The following RAB27B variants were observed in gnomAD, a reference collection of about 807,000 sequenced individuals.
RAB27B encodes the protein ras-related protein Rab-27B.
A neutral mutation model predicts 24.6 loss-of-function variants in RAB27B; 15 were observed. The ratio of observed to expected loss-of-function variants is 0.61; its 90% confidence interval spans 0.41 to 0.94. The LOEUF (loss-of-function observed/expected upper bound fraction) is 0.94, where lower values mean the gene tolerates loss of function less well. Ranked by LOEUF, RAB27B falls within the 40% of genes least tolerant of loss-of-function variation. The pLI, the probability that RAB27B is intolerant of heterozygous loss-of-function variation, is 0.00. For synonymous variants in RAB27B, 105 were observed against 92.5 expected (o/e 1.14, Z -0.78); for missense variants, 261 against 266.8 (o/e 0.98, Z 0.15).
chr18:54,832,703 C>T (rs370614909), intron 1 of RAB27B, among the ~76,000 whole-genome samples: 6 of 151,962 alleles, frequency 3.9e-5, no homozygotes, highest in East Asian at 1.9e-4. Flanking sequence ...AAAGGCAAAC[C>T]GGAAGAGAGT....
intron 2 of RAB27B, among the ~76,000 whole-genome samples, chr18:54,770,822 T>C (rs1598891950): frequency 6.6e-6 from 1 of 152,354 alleles, no homozygotes; most frequent in East Asian, 1.9e-4. Context: ...TTTCTGTTTT[T>C]CAACATTTTC....
upstream of RAB27B, among the ~76,000 whole-genome samples, chr18:54,827,277 A>G (rs1910505223): frequency 1.3e-5 from 2 of 152,250 alleles, no homozygotes; most frequent in Admixed American, 1.3e-4. Flanking sequence ...TAGCCAACAC[A>G]TTCATAGAAC....
In RAB27B at chr18:54,806,362, G is replaced by C. The variant is rs138329887; in HGVS notation, c.-19-71205G>C. 5.2e-3 allele frequency among the ~76,000 whole-genome samples: 791 copies of C among 151,734 alleles called. 5 individuals are homozygous for C. The highest frequency in any genetic ancestry group is 7.4e-3 in the Non-Finnish European group (505 of 67,932). On this transcript the variant is annotated intron_variant, in intron 2 of 4. Coordinates refer to the RAB27B transcript ENST00000586570. ...GTGTTACTGTATGGGAAGCATAGGAGACTGGTTCGAGGAGCAGTCTCTCTT... is the reference window on the plus strand; with the variant it reads ...GTGTTACTGTATGGGAAGCATAGGACACTGGTTCGAGGAGCAGTCTCTCTT...
rs1475392377 is a variant in RAB27B, at chr18:54,891,807, A to G, written c.*2394A>G. ...CATGAAGCAGAGGTTGATGATGCCCATAATTGCAAGACTATTCCTGTAAAA... is the reference window on the plus strand; with the variant it reads ...CATGAAGCAGAGGTTGATGATGCCCGTAATTGCAAGACTATTCCTGTAAAA... On this transcript the variant is annotated 3_prime_UTR_variant, in exon 6 of 6. Coordinates refer to ENST00000262094, the MANE Select transcript of RAB27B (RefSeq NM_004163.4). 1.3e-5 allele frequency: 2 copies of G among 152,116 alleles called. No individual in the cohort carries two copies. The highest frequency in any genetic ancestry group is 2.9e-5 in the Non-Finnish European group (2 of 67,990). The allele number at this position is 152,116 out of a possible 1,614,324, so 9.4% of individuals were successfully genotyped here. A position where few individuals can be genotyped will look rare whatever the true frequency, so the allele number is the denominator to read the frequency against.
intron 1 of RAB27B, among the ~76,000 whole-genome samples, chr18:54,863,622 C>T (rs1422612405): frequency 2.0e-5 from 3 of 152,078 alleles, no homozygotes; most frequent in Non-Finnish European, 2.9e-5. Flanking sequence ...ATCCAGAACA[C>T]GTTCACCCTT....
chr18:54,804,904 C>CTCTCTCTCTTTCTT (rs1555658012), intron 2 of RAB27B, among the ~76,000 whole-genome samples: 64 of 48,024 alleles, frequency 1.3e-3, no homozygotes, highest in African/African-American at 2.8e-3. Context: ...CTTTCTCTCT[C>CTCTCTCTCTTTCTT]TCTTTCTTTC....
intron 1 of RAB27B, among the ~76,000 whole-genome samples, chr18:54,862,444 T>C (rs1912045122): frequency 1.3e-5 from 2 of 152,192 alleles, no homozygotes; most frequent in South Asian, 4.1e-4. Flanking sequence ...TATTAATAGA[T>C]AAATGGGCTC....
At chr18:54,781,738 C>T (rs763228774) in intron 2 of RAB27B, among the ~76,000 whole-genome samples, 1 of 152,166 alleles carries the variant, frequency 6.6e-6, no homozygotes, top group Non-Finnish European at 1.5e-5. Flanking sequence ...AGCTGACAAA[C>T]TTCTTTGCTG....
At chr18:54,852,030 C>G (rs1440982571) in intron 1 of RAB27B, among the ~76,000 whole-genome samples, 4 of 152,130 alleles carry the variant, frequency 2.6e-5, no homozygotes, top group African/African-American at 9.7e-5. Flanking sequence ...CAGATAAATA[C>G]AGGTTGACTA....
intron 2 of RAB27B, among the ~76,000 whole-genome samples, chr18:54,738,654 T>C (rs911887401): frequency 3.3e-5 from 5 of 152,182 alleles, no homozygotes; most frequent in African/African-American, 1.2e-4. Context: ...ACACCTATCA[T>C]ATCCCAGACA....
intron 2 of RAB27B, among the ~76,000 whole-genome samples, chr18:54,753,103 C>A (rs1907888912): frequency 6.6e-6 from 1 of 152,042 alleles, no homozygotes. Context: ...GCCTGTGTCA[C>A]CTTGGAAGAG....
At position 54,741,012 on chromosome 18, in the gene RAB27B, C is replaced by A. The variant is rs148925832; in HGVS notation, c.-20+22871C>A. 2.8e-3 allele frequency among the ~76,000 whole-genome samples: 426 copies of A among 152,200 alleles called. 2 individuals carry two copies. The highest frequency in any genetic ancestry group is 9.7e-3 in the African/African-American group (401 of 41,532). On this transcript the variant is annotated intron_variant, in intron 2 of 4. Coordinates refer to the RAB27B transcript ENST00000586570. ...TTTGGTCATGATGATAATCTAATAA[C>A]CTACTTTCATAAAAAGCATTTATTC... is the stretch of plus-strand genomic sequence containing the variant.
At chr18:54,805,725 C>A (rs1287385729) in intron 2 of RAB27B, among the ~76,000 whole-genome samples, 2 of 152,148 alleles carry the variant, frequency 1.3e-5, no homozygotes, top group Non-Finnish European at 2.9e-5. Context: ...TGAATGTCTT[C>A]TTGAGGTTAA....
chr18:54,801,685 A>C (rs893741694), intron 2 of RAB27B, among the ~76,000 whole-genome samples: 2 of 152,304 alleles, frequency 1.3e-5, no homozygotes, highest in East Asian at 1.9e-4. Flanking sequence ...ACTAGATACT[A>C]GTAACACACA....
intron 2 of RAB27B, among the ~76,000 whole-genome samples, chr18:54,811,585 CAGT>C: frequency 6.6e-6 from 1 of 152,206 alleles, no homozygotes; most frequent in Non-Finnish European, 1.5e-5. Context: ...TTTACATAAA[CAGT>C]AGGGCAGAGG....
intron 2 of RAB27B, among the ~76,000 whole-genome samples, chr18:54,730,376 C>T (rs999989725): frequency 8.5e-5 from 13 of 152,304 alleles, no homozygotes; most frequent in South Asian, 8.3e-4. Context: ...CATGGTTCTC[C>T]GCCAATGCCC....
intron 2 of RAB27B, among the ~76,000 whole-genome samples, chr18:54,771,466 C>A (rs1301370936): frequency 6.6e-6 from 1 of 151,890 alleles, no homozygotes; most frequent in Non-Finnish European, 1.5e-5. Flanking sequence ...CAACAACGAG[C>A]CCAACACTGG....
intron 1 of RAB27B, among the ~76,000 whole-genome samples, 169 bp downstream of exon 1, chr18:54,828,869 A>G (rs757581046): frequency 4.9e-4 from 74 of 152,288 alleles, no homozygotes; most frequent in Admixed American, 2.2e-3. Context: ...TGCAAAGAAG[A>G]CAGTAGTGCT....
chr18:54,843,753 C>A (rs1685371558), intron 1 of RAB27B, among the ~76,000 whole-genome samples: 1 of 152,166 alleles, frequency 6.6e-6, no homozygotes, highest in African/African-American at 2.4e-5. Context: ...AGGATTATTT[C>A]TATTCTTCTA....
Sources: gnomAD v4.1 joint callset for allele counts (sites outside exome capture counted in the v4.1 genomes callset) on GRCh38, gnomAD v4.1.1 for gene constraint, MANE v1.5 for transcripts, NCBI Gene and HGNC (gene_info 2026-07-23, HGNC 2026-07-21) for gene names.